Variants in SFMBT1 observed in about 807,000 individuals in gnomAD.
SFMBT1 encodes the protein Scm like with four mbt domains 1.
SFMBT1 carries 32 observed loss-of-function variants against 108.7 expected under a neutral mutation model. That is an observed-to-expected ratio of 0.29 (90% confidence interval 0.22 to 0.40). The LOEUF (loss-of-function observed/expected upper bound fraction) is 0.40, where lower values mean the gene tolerates loss of function less well. Ranked by LOEUF, SFMBT1 falls within the 10% of genes least tolerant of loss-of-function variation. The pLI is 1.00. For missense variants in SFMBT1, 816 were observed against 1,059.6 expected (o/e 0.77, Z 3.19); for synonymous variants, 348 against 369.5 (o/e 0.94, Z 0.67).
In SFMBT1 at chr3:52,930,425, T is replaced by C; in HGVS notation, c.801A>G (p.Lys267=). 6.2e-7 allele frequency: 1 copy of C among 1,604,830 alleles called. No individual in the cohort carries two copies. The highest frequency in any genetic ancestry group is 8.5e-7 in the Non-Finnish European group (1 of 1,171,526). ...AGAATGTATGAATGCCAATAACTTG[T>C]TTGTCCTGAAATGCAGACACCAAAA... is the stretch of plus-strand genomic sequence containing the variant. ...EPLPSYLFKD[K]QVIGIHTFSV... The change falls in exon 8 of 21, where the codon AAA becomes AAG. Residue 267 remains lysine, a synonymous_variant. Coordinates refer to ENST00000394752, the MANE Select transcript of SFMBT1 (RefSeq NM_016329.4).
chr3:52,934,689 C>T lies in SFMBT1; in HGVS notation c.453+124G>A, dbSNP rs538749059. The T allele has an allele frequency of 7.7e-5, 57 of 735,982 alleles. No individual in the cohort carries two copies. The Admixed American group carries it at 8.9e-4, about 12-fold the overall frequency. 45.6% of individuals were successfully genotyped at this position (735,982 alleles called of 1,614,324 possible). On this transcript the variant is annotated intron_variant, in intron 5 of 20. Transcript: ENST00000394752. ...AGGGTAAGTTTAAACTTCCCAATAC[C>T]TATGCCTATGTCTCTAATAATAACG...
intron 1 of SFMBT1, among the ~76,000 whole-genome samples, chr3:52,992,426 T>A (rs1299019881): frequency 6.6e-6 from 1 of 152,194 alleles, no homozygotes; most frequent in Non-Finnish European, 1.5e-5. Flanking sequence ...CATAAATACA[T>A]ACACCTCTAT....
At chr3:53,012,460 T>G (rs1345619893) in intron 1 of SFMBT1, among the ~76,000 whole-genome samples, 3 of 151,784 alleles carry the variant, frequency 2.0e-5, no homozygotes, top group African/African-American at 7.3e-5. Flanking sequence ...TGGAGTGCAG[T>G]GGCGCGATCT....
intron 1 of SFMBT1, among the ~76,000 whole-genome samples, chr3:53,043,652 GTC>G (rs918576874): frequency 2.3e-4 from 35 of 152,184 alleles, no homozygotes; most frequent in African/African-American, 8.0e-4. Flanking sequence ...TAATACCATT[GTC>G]TGTGAACATA....
At chr3:52,911,988 C>A (rs1251866665) in intron 16 of SFMBT1, among the ~76,000 whole-genome samples, 1 of 152,122 alleles carries the variant, frequency 6.6e-6, no homozygotes, top group Non-Finnish European at 1.5e-5. Context: ...GCGTGAGCCA[C>A]GGTGCCCGGT....
intron 12 of SFMBT1, 103 bp from the exon 13 acceptor site, chr3:52,918,629 G>C: frequency 1.8e-6 from 1 of 570,142 alleles, no homozygotes. Context: ...ACCTGGTTCT[G>C]TGTGAGTGTG....
At chr3:52,931,159 C>T (rs1702846100) in intron 6 of SFMBT1, 124 bp from the exon 7 acceptor site, 7 of 763,044 alleles carry the variant, frequency 9.2e-6, no homozygotes, top group Non-Finnish European at 1.5e-5. Flanking sequence ...GGTTCAAGCC[C>T]ACTTATATCC....
chr3:52,907,362 C>T, intron 18 of SFMBT1, 48 bp from the exon 19 acceptor site: 1 of 1,568,884 alleles, frequency 6.4e-7, no homozygotes. Context: ...ACATCAATCC[C>T]AGGTTTCATA....
At chr3:52,975,527 A>G (rs981555143) in intron 1 of SFMBT1, among the ~76,000 whole-genome samples, 1 of 152,196 alleles carries the variant, frequency 6.6e-6, no homozygotes, top group Non-Finnish European at 1.5e-5. Context: ...CATCTCTACG[A>G]AAAATTTAAA....
chr3:52,921,043 C>CCTTCTTTTCTGGTGAATT (rs1702506681), intron 11 of SFMBT1, among the ~76,000 whole-genome samples: 2 of 152,100 alleles, frequency 1.3e-5, no homozygotes, highest in South Asian at 4.1e-4. Flanking sequence ...CAGGAATAAG[C>CCTTCTTTTCTGGTGAATT]CAGAAAAGAA....
intron 1 of SFMBT1, among the ~76,000 whole-genome samples, chr3:53,037,915 C>G (rs1381622522): frequency 6.6e-6 from 1 of 152,112 alleles, no homozygotes; most frequent in Non-Finnish European, 1.5e-5. Flanking sequence ...TCAAGACCAG[C>G]CTGGCCAACA....
At chr3:52,934,132 A>C (rs902654153) in intron 5 of SFMBT1, among the ~76,000 whole-genome samples, 2 of 152,220 alleles carry the variant, frequency 1.3e-5, no homozygotes, top group African/African-American at 4.8e-5. Context: ...AATGTAAATC[A>C]AAATGAGATG....
rs1185302472 is a variant in SFMBT1, at chr3:52,963,408, G to A, written c.28+5693C>T. ...GAAACACATGAGCTAACTGTTGGTG[G>A]GAAAACCACAAGAAAACAGGATTCC... On this transcript the variant is annotated intron_variant, in intron 2 of 20. Coordinates refer to ENST00000394752, the MANE Select transcript of SFMBT1 (RefSeq NM_016329.4). Among the ~76,000 whole-genome samples, 13 of 151,934 alleles carry A rather than the reference G, an allele frequency of 8.6e-5. No individual in the cohort carries two copies. In the East Asian group the frequency reaches 2.1e-3, roughly 25 times the overall value.
intron 1 of SFMBT1, among the ~76,000 whole-genome samples, chr3:52,989,436 AAAG>A (rs140222330): frequency 0.11 from 8,180 of 76,954 alleles, 242 homozygotes; most frequent in Non-Finnish European, 0.16. Context: ...AAAAAAAAAA[AAAG>A]AAAGAAAGAA....
intron 1 of SFMBT1, among the ~76,000 whole-genome samples, chr3:52,978,663 G>A (rs73839775): frequency 0.026 from 3,914 of 152,124 alleles, 181 homozygotes; most frequent in African/African-American, 0.09. Flanking sequence ...ACTTGTTCAT[G>A]AATGTTCGTA....
In SFMBT1 at chr3:52,930,928, G is replaced by A. The variant is rs370269553; in HGVS notation, c.795+13C>T. The A allele has an allele frequency of 2.7e-5, 44 of 1,610,496 alleles. No individual in the cohort carries two copies. In the African/African-American group the frequency reaches 5.1e-4, roughly 19 times the overall value. On this transcript the variant is annotated intron_variant, in intron 7 of 20. Coordinates refer to ENST00000394752, the MANE Select transcript of SFMBT1 (RefSeq NM_016329.4). Reference sequence around the variant, plus strand: ...GGGGAGCAATACCGGTCTATCACATGTTTTGTTTTTACCTTAAATAAGTAA... The same window carrying A: ...GGGGAGCAATACCGGTCTATCACATATTTTGTTTTTACCTTAAATAAGTAA...
intron 14 of SFMBT1, among the ~76,000 whole-genome samples, chr3:52,915,089 A>T (rs1702311691): frequency 6.6e-6 from 1 of 152,220 alleles, no homozygotes; most frequent in Non-Finnish European, 1.5e-5. Context: ...CAGTGGAACT[A>T]GAAGAAACTT....
chr3:53,027,644 T>C (rs1352961404), intron 1 of SFMBT1, among the ~76,000 whole-genome samples: 1 of 152,240 alleles, frequency 6.6e-6, no homozygotes, highest in African/African-American at 2.4e-5. Context: ...CAGCTATTTC[T>C]GACAAGTCCT....
intron 3 of SFMBT1, among the ~76,000 whole-genome samples, chr3:52,947,718 G>GGTTTTTT (rs1196728381): frequency 6.6e-6 from 1 of 151,130 alleles, no homozygotes; most frequent in Non-Finnish European, 1.5e-5. Flanking sequence ...AAAAGGTAGT[G>GGTTTTTT]ATTTTCTATA....
Sources: gnomAD v4.1 joint callset for allele counts (sites outside exome capture counted in the v4.1 genomes callset) on GRCh38, gnomAD v4.1.1 for gene constraint, MANE v1.5 for transcripts, NCBI Gene and HGNC (gene_info 2026-07-23, HGNC 2026-07-21) for gene names.